CRIM1: variants seen among roughly 807,000 people sequenced by gnomAD.
CRIM1 encodes the protein cysteine-rich motor neuron 1 protein.
In CRIM1, 32 loss-of-function variants were observed where a neutral mutation model predicts 116.4. The ratio of observed to expected loss-of-function variants is 0.27; its 90% CI spans 0.21 to 0.37. CRIM1 has a LOEUF of 0.37. CRIM1 is among the 10% of genes least tolerant of loss of function. The pLI is 1.00. For synonymous variants in CRIM1, 590 were observed against 509.2 expected, an observed-to-expected ratio of 1.16 and a Z score of -2.13; for missense variants, 1,331 against 1,354.8, an observed-to-expected ratio of 0.98 and a Z score of 0.28.
intron 14 of CRIM1, among the ~76,000 whole-genome samples, chr2:36,543,254 G>C (rs1667076537): frequency 6.6e-6 from 1 of 151,992 alleles, no homozygotes. Context: ...CCCTGGCTGG[G>C]TACCCAGTTA....
intron 2 of CRIM1, among the ~76,000 whole-genome samples, chr2:36,410,667 A>G (rs1314345290): frequency 6.6e-6 from 1 of 152,182 alleles, no homozygotes; most frequent in East Asian, 1.9e-4. Context: ...AAAGATTCCT[A>G]AAACACATTC....
At chr2:36,426,069 G>A (rs1412913350) in intron 2 of CRIM1, among the ~76,000 whole-genome samples, 2 of 152,182 alleles carry the variant, frequency 1.3e-5, no homozygotes, top group Admixed American at 6.6e-5. Context: ...CCTGGTGATG[G>A]GAGTGCAGAG....
chr2:36,411,818 T>G (rs1238082636), intron 2 of CRIM1, among the ~76,000 whole-genome samples: 1 of 152,188 alleles, frequency 6.6e-6, no homozygotes, highest in African/African-American at 2.4e-5. Flanking sequence ...GTGAGATACA[T>G]TCCAGTGGTT....
chr2:36,551,033 C>A lies in CRIM1; in HGVS notation c.*2332C>A, dbSNP rs1055327563. ...AAATAGATATATGGCACTTGGAGTG[C>A]ATCATAGTTCTACAGTTTGTTTTTG... On this transcript the variant is annotated 3_prime_UTR_variant, in exon 17 of 17. Coordinates refer to ENST00000280527, the MANE Select transcript of CRIM1 (RefSeq NM_016441.3). 1.1e-4 allele frequency: 17 copies of A among 152,532 alleles called. No individual in the cohort carries two copies. The highest frequency in any genetic ancestry group is 4.1e-4 in the African/African-American group (17 of 41,392). 9.4% of individuals were successfully genotyped at this position (152,532 alleles called of 1,614,324 possible).
chr2:36,402,078 G>A (rs1398736657), intron 2 of CRIM1, among the ~76,000 whole-genome samples: 1 of 152,128 alleles, frequency 6.6e-6, no homozygotes, highest in Non-Finnish European at 1.5e-5. Flanking sequence ...GGGGAGCCTG[G>A]GTGTCATGCA....
At chr2:36,436,714 A>G (rs1314233254) in intron 2 of CRIM1, among the ~76,000 whole-genome samples, 1 of 152,204 alleles carries the variant, frequency 6.6e-6, no homozygotes, top group East Asian at 1.9e-4. Context: ...ACATACATAC[A>G]CACACGTGCT....
At chr2:36,472,755 C>G (rs926578030) in intron 5 of CRIM1, among the ~76,000 whole-genome samples, 4 of 151,982 alleles carry the variant, frequency 2.6e-5, no homozygotes, top group African/African-American at 9.7e-5. Context: ...TGTTAGAGTA[C>G]AGTATTTTGC....
chr2:36,468,228 A>G lies in CRIM1; in HGVS notation c.991+3573A>G, dbSNP rs192586200. 8.5e-5 allele frequency among the ~76,000 whole-genome samples: 13 copies of G among 152,324 alleles called. No individual in the cohort carries two copies. In the South Asian group the frequency reaches 2.7e-3, roughly 32 times the overall value. On this transcript the variant is annotated intron_variant, in intron 5 of 16. Coordinates refer to ENST00000280527, the MANE Select transcript of CRIM1 (RefSeq NM_016441.3). ...TCCTATGCTGCCATCCATGTGATCC[A>G]TATGCTTATGTTTTTTTCTTTTTAA...
chr2:36,544,785 T>A (rs557804402), intron 15 of CRIM1, among the ~76,000 whole-genome samples: 1 of 152,308 alleles, frequency 6.6e-6, no homozygotes, highest in African/African-American at 2.4e-5. Context: ...CATAAGAGCC[T>A]GGTATCTGGA....
At chr2:36,481,950 A>G (rs930329947) in intron 7 of CRIM1, among the ~76,000 whole-genome samples, 3 of 152,016 alleles carry the variant, frequency 2.0e-5, no homozygotes, top group African/African-American at 7.3e-5. Flanking sequence ...TTTGAAAACT[A>G]CTCCAGGTAT....
chr2:36,440,793 C>T (rs1675759821), intron 2 of CRIM1, among the ~76,000 whole-genome samples: 5 of 152,162 alleles, frequency 3.3e-5, no homozygotes, highest in Admixed American at 1.3e-4. Context: ...GGTAGAGTTC[C>T]TCCATGTTGA....
intron 1 of CRIM1, among the ~76,000 whole-genome samples, chr2:36,390,953 G>C (rs111453318): frequency 0.02 from 2,973 of 151,722 alleles, 86 homozygotes; most frequent in African/African-American, 0.069. Flanking sequence ...GGGATTACAG[G>C]CATGCGCCAC....
Position 36,549,373 on chromosome 2 carries a change from T to C in CRIM1, c.*672T>C, listed in dbSNP as rs907516342. On this transcript the variant is annotated 3_prime_UTR_variant, in exon 17 of 17. Transcript: ENST00000280527. ...TTAAGGATATATACAGTTACACTTT[T>C]TGCTGCTTTTATTTTCTTCCAAGCC... 1.3e-5 allele frequency: 2 copies of C among 152,660 alleles called. No individual in the cohort carries two copies. The highest frequency in any genetic ancestry group is 4.8e-5 in the African/African-American group (2 of 41,456). 9.5% of individuals were successfully genotyped at this position (152,660 alleles called of 1,614,324 possible).
At chr2:36,499,191 G>A in intron 7 of CRIM1, 28 bp from the exon 8 acceptor site, 1 of 1,566,564 alleles carries the variant, frequency 6.4e-7, no homozygotes, top group Non-Finnish European at 8.8e-7. Flanking sequence ...ATGTTTCATT[G>A]GTTATTTTTT....
At position 36,510,968 on chromosome 2, in the gene CRIM1, C is replaced by CAGGCCGT. The variant is rs1221937369; in HGVS notation, c.1658+832_1658+838dup. On this transcript the variant is annotated intron_variant, in intron 9 of 16. Transcript: ENST00000280527. ...TCAGGCAGGGTAGTGCTCTGCCACC[C>CAGGCCGT]AGGCCGTAGTGCAGTGGCACAAGCA... 3.3e-5 allele frequency among the ~76,000 whole-genome samples: 5 copies of CAGGCCGT among 150,098 alleles called. No individual in the cohort carries two copies. In the South Asian group the frequency reaches 8.5e-4, roughly 25 times the overall value.
intron 4 of CRIM1, among the ~76,000 whole-genome samples, chr2:36,452,349 A>G (rs919244306): frequency 2.0e-5 from 3 of 152,330 alleles, no homozygotes; most frequent in South Asian, 2.1e-4. Flanking sequence ...ACATGCAGAA[A>G]AAAATTTGGA....
rs763821741 is a variant in CRIM1, at chr2:36,356,644, C to T, written c.331+21C>T. On this transcript the variant is annotated intron_variant, in intron 1 of 16. Transcript: ENST00000280527. The surrounding 1 kb of genome is among the most constrained non-coding windows in gnomAD (Gnocchi z 4.3). ...CGAAGGTACGGCCGCCCGCTGCGGGCCCCCTCCCACCTGGCCTGCGCCGCC... is the reference window on the plus strand; with the variant it reads ...CGAAGGTACGGCCGCCCGCTGCGGGTCCCCTCCCACCTGGCCTGCGCCGCC... The T allele has an allele frequency of 3.8e-6, 6 of 1,592,992 alleles. No homozygotes were observed. The highest frequency in any genetic ancestry group is 3.4e-5 in the Admixed American group (2 of 59,318).
At position 36,356,263 on chromosome 2, in the gene CRIM1, G is replaced by A; in HGVS notation, c.-30G>A. On this transcript the variant is annotated 5_prime_UTR_variant, in exon 1 of 17. Transcript: ENST00000280527. This position sits in a 1 kb window ranked among gnomAD's most constrained non-coding sequence, Gnocchi z 4.3. ...CGCCCGCCCCGCTCCCGGCCCGGCT[G>A]CGAGGAGGAGGCGGCGGCGGCGCAG... 7.6e-7 allele frequency: 1 copy of A among 1,310,646 alleles called. No homozygotes were observed. The highest frequency in any genetic ancestry group is 1.7e-5 in the South Asian group (1 of 60,054). The allele number at this position is 1,310,646 out of a possible 1,614,324, so 81.2% of individuals were successfully genotyped here. A position where few individuals can be genotyped will look rare whatever the true frequency, so the allele number is the denominator to read the frequency against.
chr2:36,540,832 A>G (rs559609420), intron 14 of CRIM1, among the ~76,000 whole-genome samples: 1 of 152,182 alleles, frequency 6.6e-6, no homozygotes, highest in African/African-American at 2.4e-5. Context: ...ACCCAAATTC[A>G]GGTAGTGGTG....
Sources: gnomAD v4.1 joint callset for allele counts (sites outside exome capture counted in the v4.1 genomes callset) on GRCh38, gnomAD v4.1.1 for gene constraint, Gnocchi (gnomAD v3.1) non-coding constraint, MANE v1.5 for transcripts, NCBI Gene and HGNC (gene_info 2026-07-23, HGNC 2026-07-21) for gene names.